Variants in MIPOL1 observed in about 807,000 individuals in gnomAD.
The protein encoded by MIPOL1 is mirror-image polydactyly 1.
Under a neutral mutation model 60.9 loss-of-function variants are expected in MIPOL1, and 57 were observed. The observed-to-expected ratio is 0.94, with a 90% confidence interval of 0.76 to 1.17. The LOEUF is 1.17. Ranked by LOEUF, MIPOL1 falls within the 50% of genes most tolerant of loss-of-function variation. MIPOL1 has a pLI of 0.00. For synonymous variants in MIPOL1, 179 were observed against 168.8 expected, an observed-to-expected ratio of 1.06 and a Z score of -0.47; for missense variants, 551 against 511.6, an observed-to-expected ratio of 1.08 and a Z score of -0.74.
At chr14:37,421,992 T>C (rs938799416) in intron 10 of MIPOL1, among the ~76,000 whole-genome samples, 3 of 152,044 alleles carry the variant, frequency 2.0e-5, no homozygotes, top group African/African-American at 7.2e-5. Flanking sequence ...CAAACACCAT[T>C]TAAAGCAAAG....
intron 1 of MIPOL1, among the ~76,000 whole-genome samples, chr14:37,233,378 T>G (rs1295732070): frequency 6.6e-6 from 1 of 152,194 alleles, no homozygotes; most frequent in Admixed American, 6.5e-5. Flanking sequence ...ATTCTATATG[T>G]GGAGGCTTCA....
intron 11 of MIPOL1, among the ~76,000 whole-genome samples, chr14:37,460,163 A>C (rs1209471639): frequency 1.3e-5 from 2 of 152,110 alleles, no homozygotes; most frequent in African/African-American, 4.8e-5. Flanking sequence ...AAGTTAATAC[A>C]CCACAATCAA....
rs980710118 is a variant in MIPOL1 at position 37,489,649 on chromosome 14, T to A, written c.1032-10259T>A. Among the ~76,000 whole-genome samples, 96 of 152,336 alleles carry A rather than the reference T, an allele frequency of 6.3e-4. 1 individual carries two copies. The highest frequency in any genetic ancestry group is 2.1e-4 in the Non-Finnish European group (14 of 68,038). ...TGGGTCTCTGACTGGACGTCCTTTT[T>A]GTTGATGTTGATGCTATCCCTTTCT... is the stretch of plus-strand genomic sequence containing the variant. On this transcript the variant is annotated intron_variant, in intron 11 of 12. Coordinates refer to ENST00000684589, the MANE Select transcript of MIPOL1 (RefSeq NM_001388067.1).
At chr14:37,418,943 A>G (rs1172698767) in intron 10 of MIPOL1, among the ~76,000 whole-genome samples, 1 of 152,082 alleles carries the variant, frequency 6.6e-6, no homozygotes, top group African/African-American at 2.4e-5. Flanking sequence ...ATATATATCT[A>G]TATATAGTGT....
chr14:37,346,300 G>A (rs2153466609), intron 9 of MIPOL1, among the ~76,000 whole-genome samples: 1 of 152,284 alleles, frequency 6.6e-6, no homozygotes. Flanking sequence ...ATGCACTGCA[G>A]CCTGGGTGAC....
Position 37,361,378 on chromosome 14 carries a change from C to G in MIPOL1, c.829-8139C>G, listed in dbSNP as rs186134839. Among the ~76,000 whole-genome samples, 3 of 151,924 alleles carry G rather than the reference C, an allele frequency of 2.0e-5. No homozygotes were observed. The East Asian group carries it at 5.8e-4, about 30-fold the overall frequency. On this transcript the variant is annotated intron_variant, in intron 9 of 12. Transcript: ENST00000684589. ...ATTCAAGTCCTGGATATCCTTCTCT[C>G]TCTTGGTTAACCTTCTCTCTCATTG...
intron 7 of MIPOL1, among the ~76,000 whole-genome samples, chr14:37,306,771 A>G (rs2086818288): frequency 6.6e-6 from 1 of 151,816 alleles, no homozygotes; most frequent in African/African-American, 2.4e-5. Context: ...GTTTATCTTC[A>G]CAATTCTTGT....
chr14:37,212,319 C>A (rs1966865174), intron 1 of MIPOL1: 1 of 152,102 alleles, frequency 6.6e-6, no homozygotes, highest in South Asian at 2.1e-4. Flanking sequence ...CATTTCTGGA[C>A]CTGCTCTGGG....
chr14:37,201,638 G>A (rs1039377784), intron 1 of MIPOL1, among the ~76,000 whole-genome samples: 9 of 152,090 alleles, frequency 5.9e-5, no homozygotes, highest in Non-Finnish European at 1.0e-4. Flanking sequence ...GACTTGGGCC[G>A]TGAAGCTCAA....
chr14:37,411,458 G>A (rs2093680196), intron 10 of MIPOL1, among the ~76,000 whole-genome samples: 1 of 152,106 alleles, frequency 6.6e-6, no homozygotes. Flanking sequence ...AATGTGCTCA[G>A]TTTTTCCATT....
intron 6 of MIPOL1, among the ~76,000 whole-genome samples, chr14:37,283,270 T>C (rs1045081877): frequency 2.0e-5 from 3 of 152,154 alleles, no homozygotes; most frequent in Admixed American, 6.5e-5. Flanking sequence ...TTTTGCCATG[T>C]TGGCCAAGCT....
At chr14:37,216,075 A>AAAG (rs1267672572) in intron 1 of MIPOL1, among the ~76,000 whole-genome samples, 3 of 150,296 alleles carry the variant, frequency 2.0e-5, no homozygotes, top group Non-Finnish European at 4.4e-5. Flanking sequence ...AAAAAAAAAA[A>AAAG]AAAAGAAAGA....
chr14:37,253,004 C>T (rs527971821), intron 3 of MIPOL1, among the ~76,000 whole-genome samples: 50 of 151,790 alleles, frequency 3.3e-4, no homozygotes, highest in African/African-American at 1.1e-3. Context: ...TTATATACTC[C>T]TTGAAATTAA....
intron 10 of MIPOL1, among the ~76,000 whole-genome samples, chr14:37,394,084 A>ATATATATATATATATC (rs1491106712): frequency 3.7e-5 from 5 of 134,672 alleles, no homozygotes; most frequent in Admixed American, 1.5e-4. Flanking sequence ...ATATATATAT[A>ATATATATATATATATC]TCTCCATGTT....
At chr14:37,346,399 AC>A (rs2090948497) in intron 9 of MIPOL1, among the ~76,000 whole-genome samples, 2 of 152,148 alleles carry the variant, frequency 1.3e-5, no homozygotes, top group African/African-American at 2.4e-5. Context: ...CCTGGGCCTT[AC>A]CTTCTATTCC....
intron 9 of MIPOL1, among the ~76,000 whole-genome samples, chr14:37,346,437 C>A (rs1449536724): frequency 1.3e-5 from 2 of 152,176 alleles, no homozygotes; most frequent in Non-Finnish European, 2.9e-5. Flanking sequence ...ATGGAAACAA[C>A]CCAAATATGC....
intron 12 of MIPOL1, among the ~76,000 whole-genome samples, chr14:37,521,894 A>AAG (rs2095415621): frequency 4.0e-5 from 1 of 25,196 alleles, no homozygotes; most frequent in African/African-American, 1.1e-4. Context: ...AGAAAAAAAA[A>AAG]TATATATATA....
chr14:37,505,970 C>CAG (rs140280346), intron 12 of MIPOL1: 2 of 151,424 alleles, frequency 1.3e-5, no homozygotes, highest in African/African-American at 2.4e-5. Context: ...AACAGACAAA[C>CAG]AGCCAAATCA....
intron 11 of MIPOL1, among the ~76,000 whole-genome samples, chr14:37,474,608 T>A (rs888509295): frequency 3.9e-5 from 6 of 152,296 alleles, no homozygotes; most frequent in African/African-American, 1.4e-4. Flanking sequence ...AAACCTCTTG[T>A]TCTTTATAAA....
Sources: gnomAD v4.1 joint callset for allele counts (sites outside exome capture counted in the v4.1 genomes callset) on GRCh38, gnomAD v4.1.1 for gene constraint, MANE v1.5 for transcripts, NCBI Gene and HGNC (gene_info 2026-07-23, HGNC 2026-07-21) for gene names.